The following LRRC69 variants were observed in gnomAD, a reference collection of about 807,000 sequenced individuals.
The protein encoded by LRRC69 is leucine-rich repeat-containing protein 69.
Under a neutral mutation model 37.8 loss-of-function variants are expected in LRRC69, and 42 were observed. The observed-to-expected ratio is 1.11, with a 90% CI of 0.87 to 1.44. The LOEUF (loss-of-function observed/expected upper bound fraction) is 1.44, where lower values mean the gene tolerates loss of function less well. LRRC69 is among the 40% of genes most tolerant of loss of function. LRRC69 has a pLI of 0.00. For synonymous variants in LRRC69, 141 were observed against 143.1 expected, an observed-to-expected ratio of 0.99 and a Z score of 0.11; for missense variants, 357 against 401.9, an observed-to-expected ratio of 0.89 and a Z score of 0.96.
intron 1 of LRRC69, among the ~76,000 whole-genome samples, chr8:91,115,878 G>A (rs1328161616): frequency 1.3e-5 from 2 of 151,768 alleles, no homozygotes; most frequent in East Asian, 3.9e-4. Flanking sequence ...GCCTGTGGTT[G>A]ACCCTGCACA....
At chr8:91,128,328 A>T (rs1813754429) in intron 3 of LRRC69, among the ~76,000 whole-genome samples, 1 of 152,078 alleles carries the variant, frequency 6.6e-6, no homozygotes, top group South Asian at 2.1e-4. Context: ...TCATACACTT[A>T]TCTCTGTTTG....
chr8:91,184,311 GA>G (rs1273956075), intron 5 of LRRC69, among the ~76,000 whole-genome samples: 3 of 151,764 alleles, frequency 2.0e-5, no homozygotes, highest in Non-Finnish European at 2.9e-5. Flanking sequence ...AAATAATTCT[GA>G]GAAATACCTT....
At position 91,177,941 on chromosome 8, in the gene LRRC69, C is replaced by T. The variant is rs1471788606; in HGVS notation, c.652-11581C>T. On this transcript the variant is annotated intron_variant, in intron 5 of 7. Transcript: ENST00000448384. ...TCGGCTCACGGTACGCTCCGCCTCC[C>T]GGGTTCATGCCATTCCCCTGCCTCA... Among the ~76,000 whole-genome samples the T allele has an allele frequency of 2.0e-5, 3 of 151,422 alleles. No homozygotes were observed. In the South Asian group the frequency reaches 6.3e-4, roughly 32 times the overall value.
chr8:91,133,997 C>T, intron 4 of LRRC69, among the ~76,000 whole-genome samples: 1 of 151,708 alleles, frequency 6.6e-6, no homozygotes, highest in Middle Eastern at 3.2e-3. Context: ...GAACAAAATA[C>T]AAGTTCATTT....
At chr8:91,213,175 T>C (rs1809966792) in intron 7 of LRRC69, among the ~76,000 whole-genome samples, 1 of 152,098 alleles carries the variant, frequency 6.6e-6, no homozygotes, top group Non-Finnish European at 1.5e-5. Context: ...AGGACCACTG[T>C]GTGGGGAAGG....
intron 6 of LRRC69, among the ~76,000 whole-genome samples, chr8:91,190,268 GT>G (rs60246431): frequency 0.02 from 2,737 of 137,718 alleles, 55 homozygotes; most frequent in African/African-American, 0.062. Flanking sequence ...GGCTTACTTT[GT>G]TTTTTTTTTT....
chr8:91,115,492 A>G (rs1254265076), intron 1 of LRRC69, among the ~76,000 whole-genome samples: 1 of 152,012 alleles, frequency 6.6e-6, no homozygotes, highest in African/African-American at 2.4e-5. Context: ...GGAAAGAAAT[A>G]CTATTTTTTA....
chr8:91,194,535 G>T (rs866105676), intron 6 of LRRC69, among the ~76,000 whole-genome samples: 5 of 150,886 alleles, frequency 3.3e-5, no homozygotes, highest in African/African-American at 1.2e-4. Context: ...TCCTGTTATT[G>T]GTCTATTCAG....
At chr8:91,159,386 G>A (rs1808894843) in intron 5 of LRRC69, among the ~76,000 whole-genome samples, 1 of 151,058 alleles carries the variant, frequency 6.6e-6, no homozygotes, top group Non-Finnish European at 1.5e-5. Context: ...ATAGACCTGT[G>A]GCAGATGTCA....
At chr8:91,166,144 G>A (rs1242622589) in intron 5 of LRRC69, among the ~76,000 whole-genome samples, 1 of 151,640 alleles carries the variant, frequency 6.6e-6, no homozygotes, top group Admixed American at 6.6e-5. Context: ...CTAAAAAATG[G>A]GATAATAATA....
At chr8:91,172,392 A>G in intron 5 of LRRC69, among the ~76,000 whole-genome samples, 1 of 151,992 alleles carries the variant, frequency 6.6e-6, no homozygotes, top group Non-Finnish European at 1.5e-5. Context: ...CTAATTGGTT[A>G]TTATCACTTC....
chr8:91,201,219 C>T (rs573635803), intron 7 of LRRC69, among the ~76,000 whole-genome samples: 1 of 152,248 alleles, frequency 6.6e-6, no homozygotes, highest in Admixed American at 6.5e-5. Flanking sequence ...CATGAATGTG[C>T]ACCTGCAACA....
At chr8:91,127,601 C>CAAAAAAAA (rs554876868) in intron 3 of LRRC69, among the ~76,000 whole-genome samples, 1 of 66,568 alleles carries the variant, frequency 1.5e-5, no homozygotes, top group Non-Finnish European at 2.7e-5. Context: ...TGTCATTAAC[C>CAAAAAAAA]AAAAAAAAAA....
chr8:91,133,631 T>G (rs539305296), intron 4 of LRRC69, among the ~76,000 whole-genome samples: 1 of 152,042 alleles, frequency 6.6e-6, no homozygotes, highest in African/African-American at 2.4e-5. Flanking sequence ...TATTGTTTGG[T>G]ATTTCTTTCT....
At chr8:91,201,168 G>A in intron 7 of LRRC69, among the ~76,000 whole-genome samples, 1 of 152,062 alleles carries the variant, frequency 6.6e-6, no homozygotes, top group East Asian at 1.9e-4. Context: ...GAATGTGCTG[G>A]CTAGTTTATA....
chr8:91,194,671 T>C (rs1328646622), intron 6 of LRRC69, among the ~76,000 whole-genome samples: 1 of 152,186 alleles, frequency 6.6e-6, no homozygotes, highest in Non-Finnish European at 1.5e-5. Flanking sequence ...GTAGTTTGTA[T>C]TTCTGTGGGA....
chr8:91,217,890 T>C (rs1355480080), intron 7 of LRRC69, among the ~76,000 whole-genome samples: 1 of 152,186 alleles, frequency 6.6e-6, no homozygotes, highest in Non-Finnish European at 1.5e-5. Context: ...GATAGTGCTG[T>C]GTATCCTCTA....
chr8:91,193,924 G>A (rs1258724544), intron 6 of LRRC69, among the ~76,000 whole-genome samples: 289 of 122,014 alleles, frequency 2.4e-3, no homozygotes, highest in South Asian at 5.4e-3. Context: ...CCTGTCTTGT[G>A]CCAGTTTTCA....
chr8:91,206,870 C>G (rs1217658537), intron 7 of LRRC69: 1 of 1,282,640 alleles, frequency 7.8e-7, no homozygotes, highest in Non-Finnish European at 1.0e-6. Flanking sequence ...TTTCAGAAAG[C>G]TGCCAAGTAG....
Sources: gnomAD v4.1 joint callset for allele counts (sites outside exome capture counted in the v4.1 genomes callset) on GRCh38, gnomAD v4.1.1 for gene constraint, MANE v1.5 for transcripts, NCBI Gene and HGNC (gene_info 2026-07-23, HGNC 2026-07-21) for gene names.